The following GLCCI1 variants were observed in gnomAD, a reference collection of about 807,000 sequenced individuals.
GLCCI1 encodes the protein glucocorticoid induced 1.
In GLCCI1, 24 loss-of-function variants were observed where a neutral mutation model predicts 52.2. That is an observed-to-expected ratio of 0.46 (90% CI 0.33 to 0.65). The LOEUF is 0.65. GLCCI1 is among the 30% of genes least tolerant of loss of function. The probability of loss-of-function intolerance (pLI) is 0.02; values close to 1 mark genes in which losing one functional copy is unlikely to be tolerated. For synonymous variants in GLCCI1, 310 were observed against 276.5 expected (o/e 1.12, Z -1.20); for missense variants, 704 against 701.5 (o/e 1.00, Z -0.04).
chr7:8,063,168 C>T (rs978308886), intron 5 of GLCCI1, among the ~76,000 whole-genome samples: 5 of 152,188 alleles, frequency 3.3e-5, no homozygotes, highest in South Asian at 4.1e-4. Context: ...AACGGAGTCT[C>T]GCTCTGTTGC....
At chr7:7,992,754 T>G (rs37998) in intron 1 of GLCCI1, among the ~76,000 whole-genome samples, 63,722 of 151,808 alleles carry the variant, frequency 0.42, 13,686 homozygotes, top group Middle Eastern at 0.52. Context: ...TCTTGAAATC[T>G]TGTCTCCTCA....
intron 1 of GLCCI1, among the ~76,000 whole-genome samples, chr7:7,988,254 T>C (rs1427652424): frequency 6.6e-6 from 1 of 152,212 alleles, no homozygotes; most frequent in Non-Finnish European, 1.5e-5. Flanking sequence ...TAGTGTTACG[T>C]GTTTTAATGC....
chr7:8,029,288 G>A (rs951955904), intron 3 of GLCCI1, among the ~76,000 whole-genome samples: 12 of 152,188 alleles, frequency 7.9e-5, no homozygotes, highest in African/African-American at 2.4e-4. Context: ...GGGATGCAAA[G>A]ATGGTTCAAC....
intron 3 of GLCCI1, among the ~76,000 whole-genome samples, chr7:8,029,136 A>G (rs1781691777): frequency 6.6e-6 from 1 of 152,172 alleles, no homozygotes; most frequent in Non-Finnish European, 1.5e-5. Context: ...AAACCAGACA[A>G]AGACACATCA....
At chr7:8,016,361 C>T (rs938499143) in intron 2 of GLCCI1, among the ~76,000 whole-genome samples, 6 of 151,718 alleles carry the variant, frequency 4.0e-5, no homozygotes, top group African/African-American at 1.2e-4. Context: ...CCCAACTACT[C>T]GGGAGGCTGA....
intron 2 of GLCCI1, among the ~76,000 whole-genome samples, chr7:8,004,585 A>G (rs1781110032): frequency 6.6e-6 from 1 of 152,190 alleles, no homozygotes; most frequent in Non-Finnish European, 1.5e-5. Context: ...ATCAGAAAAA[A>G]AATCTGAAAA....
At position 8,022,569 on chromosome 7, in the gene GLCCI1, G is replaced by A; in HGVS notation, c.696G>A (p.Glu232=). 6.4e-7 allele frequency: 1 copy of A among 1,554,166 alleles called. No individual in the cohort carries two copies. Among genetic ancestry groups the A allele is most frequent in the South Asian group, 1.2e-5 (1 of 81,536 alleles). Reference sequence around the variant, plus strand: ...GGGGGAGTGCTGATCAACTAAAAGAGGTAAGTTATTTCTGTTTTCCGTCTG... The same window carrying A: ...GGGGGAGTGCTGATCAACTAAAAGAAGTAAGTTATTTCTGTTTTCCGTCTG... ...ASWGSADQLK[E]QIAKLRQQLQ... Residue 232 remains glutamate, a splice_region_variant and synonymous_variant, in exon 3 of 8, where the codon GAG becomes GAA. Transcript: ENST00000223145.
chr7:7,997,362 T>G (rs989835508), intron 1 of GLCCI1, among the ~76,000 whole-genome samples: 15 of 151,900 alleles, frequency 9.9e-5, no homozygotes, highest in African/African-American at 3.4e-4. Context: ...AAAATTGAGC[T>G]TTAGGAAATT....
At chr7:7,992,111 C>G (rs983152960) in intron 1 of GLCCI1, among the ~76,000 whole-genome samples, 5 of 130,076 alleles carry the variant, frequency 3.8e-5, no homozygotes, top group Non-Finnish European at 6.2e-5. Context: ...GTCTGTTTCT[C>G]TCTCTCTCTC....
intron 6 of GLCCI1, 120 bp downstream of exon 6, chr7:8,071,251 T>G (rs879256820): frequency 2.3e-5 from 18 of 766,606 alleles, no homozygotes; most frequent in Non-Finnish European, 3.7e-5. Context: ...CAAAGATTGG[T>G]TAATCTAGGT....
intron 2 of GLCCI1, among the ~76,000 whole-genome samples, chr7:8,018,664 A>T (rs1466911611): frequency 6.6e-6 from 1 of 152,124 alleles, no homozygotes; most frequent in Admixed American, 6.5e-5. Flanking sequence ...GACCCCTTCT[A>T]CCTATAGGTA....
At chr7:8,041,661 C>A (rs1395011994) in intron 3 of GLCCI1, among the ~76,000 whole-genome samples, 1 of 152,130 alleles carries the variant, frequency 6.6e-6, no homozygotes, top group East Asian at 1.9e-4. Context: ...GTGGCATGAT[C>A]GTAGCTCACT....
chr7:7,981,627 GGAA>G (rs1432274426), intron 1 of GLCCI1: 3 of 206,356 alleles, frequency 1.5e-5, no homozygotes, highest in Non-Finnish European at 2.9e-5. Context: ...AATTTGAAAA[GGAA>G]GAAGATTATG....
intron 6 of GLCCI1, among the ~76,000 whole-genome samples, chr7:8,077,946 C>T (rs577589683): frequency 1.1e-3 from 162 of 152,212 alleles, no homozygotes; most frequent in African/African-American, 3.7e-3. Flanking sequence ...AGAAAGTCCA[C>T]TATTTAGGCC....
Position 8,027,252 on chromosome 7 carries a change from C to G in GLCCI1, c.696+4683C>G, listed in dbSNP as rs190869128. On this transcript the variant is annotated intron_variant, in intron 3 of 7. Coordinates refer to ENST00000223145, the MANE Select transcript of GLCCI1 (RefSeq NM_138426.4). ...CCTGTAATCCCAGCACCTTGGGAAGCCAAGGCGGGCAGATCCCTTGAGGTC... is the reference window on the plus strand; with the variant it reads ...CCTGTAATCCCAGCACCTTGGGAAGGCAAGGCGGGCAGATCCCTTGAGGTC... Among the ~76,000 whole-genome samples the G allele has an allele frequency of 3.8e-3, 574 of 152,312 alleles. 2 individuals carry two copies. Among genetic ancestry groups the G allele is most frequent in the Non-Finnish European group, 5.8e-3 (397 of 68,022 alleles).
rs796856181 is a variant in GLCCI1, at chr7:8,088,202, AT to A, written c.*1675del. The A allele has an allele frequency of 6.2e-4, 88 of 142,222 alleles. No individual in the cohort carries two copies. The highest frequency in any genetic ancestry group is 2.1e-3 in the East Asian group (10 of 4,804). The allele number at this position is 142,222 out of a possible 1,614,324, so 8.8% of individuals were successfully genotyped here. On this transcript the variant is annotated 3_prime_UTR_variant, in exon 8 of 8. Transcript: ENST00000223145. ...GATAGAGAAGAAAGCAACACCATTG[AT>A]TTTTTTTTTTAAGAAATGATATATA...
At chr7:7,980,690 A>C in intron 1 of GLCCI1, 1 of 752,554 alleles carries the variant, frequency 1.3e-6, no homozygotes, top group Non-Finnish European at 2.3e-6. Context: ...ATGGTGAATA[A>C]TGACAGTGAT....
intron 3 of GLCCI1, among the ~76,000 whole-genome samples, chr7:8,023,164 C>T (rs1781530228): frequency 6.6e-6 from 1 of 151,868 alleles, no homozygotes; most frequent in Non-Finnish European, 1.5e-5. Flanking sequence ...TACAGGCACC[C>T]ACCACCACAC....
Position 8,005,763 on chromosome 7 carries a change from G to A in GLCCI1, c.609+1704G>A, listed in dbSNP as rs181897155. 1.1e-3 allele frequency among the ~76,000 whole-genome samples: 165 copies of A among 152,016 alleles called. 1 individual carries two copies. The highest frequency in any genetic ancestry group is 6.2e-4 in the Non-Finnish European group (42 of 67,952). On this transcript the variant is annotated intron_variant, in intron 2 of 7. Coordinates refer to ENST00000223145, the MANE Select transcript of GLCCI1 (RefSeq NM_138426.4). ...ATGAATGCTATGTGCTGACACTATC[G>A]AGAGGGAAACATTATCTAGTTTTTT...
Sources: gnomAD v4.1 joint callset for allele counts (sites outside exome capture counted in the v4.1 genomes callset) on GRCh38, gnomAD v4.1.1 for gene constraint, MANE v1.5 for transcripts, NCBI Gene and HGNC (gene_info 2026-07-23, HGNC 2026-07-21) for gene names.